The following KLHL13 variants were observed in gnomAD, a reference collection of about 807,000 sequenced individuals.
The protein encoded by KLHL13 is kelch like family member 13.
Under a neutral mutation model 37.1 loss-of-function variants are expected in KLHL13, and 10 were observed. That is an observed-to-expected ratio of 0.27 (90% confidence interval 0.17 to 0.46). The LOEUF is 0.46. Among genes scored for constraint, KLHL13 ranks in the 20% least tolerant of loss-of-function variants. The pLI, the probability that KLHL13 is intolerant of heterozygous loss-of-function variation, is 1.00. For missense variants in KLHL13, 360 were observed against 509.3 expected, an observed-to-expected ratio of 0.71 and a Z score of 2.82; for synonymous variants, 163 against 181.2, an observed-to-expected ratio of 0.90 and a Z score of 0.81.
intron 2 of KLHL13, among the ~76,000 whole-genome samples, chrX:117,920,930 T>C (rs756451032): frequency 9.0e-6 from 1 of 111,186 alleles, no homozygotes; most frequent in South Asian, 3.8e-4. Context: ...CAAATATCTT[T>C]CAAGTTTCAA....
intron 1 of KLHL13, among the ~76,000 whole-genome samples, chrX:118,113,795 T>C (rs932429521): frequency 1.8e-5 from 2 of 112,368 alleles, no homozygotes; most frequent in Non-Finnish European, 3.8e-5. Context: ...TTATTGTCTG[T>C]ATTCTCTGGT....
At chrX:117,933,699 C>G (rs770064324) in intron 2 of KLHL13, among the ~76,000 whole-genome samples, 2 of 111,020 alleles carry the variant, frequency 1.8e-5, no homozygotes, top group South Asian at 7.6e-4. Flanking sequence ...AGTAGCATCT[C>G]TTTTAATGAT....
At chrX:118,076,840 CTTTCT>C (rs963824547) in intron 1 of KLHL13, among the ~76,000 whole-genome samples, 1 of 109,076 alleles carries the variant, frequency 9.2e-6, no homozygotes, top group Admixed American at 9.9e-5. Flanking sequence ...TCTTTTTTCT[CTTTCT>C]TTTCTTTTCT....
intron 2 of KLHL13, among the ~76,000 whole-genome samples, chrX:117,930,943 A>G (rs1197559168): frequency 8.9e-6 from 1 of 112,258 alleles, no homozygotes; most frequent in Non-Finnish European, 1.9e-5. Flanking sequence ...CTAACATTAT[A>G]TTTTTAAAGT....
intron 1 of KLHL13, among the ~76,000 whole-genome samples, chrX:117,965,299 A>T (rs2053401363): frequency 8.9e-6 from 1 of 111,977 alleles, no homozygotes; most frequent in Admixed American, 9.5e-5. Context: ...GTGAGACAGT[A>T]TCTCATTGTG....
chrX:117,979,648 C>T (rs868637596), intron 1 of KLHL13, among the ~76,000 whole-genome samples: 14 of 111,327 alleles, frequency 1.3e-4, no homozygotes, highest in Non-Finnish European at 2.3e-4. Context: ...GTTAAACCTG[C>T]TATTACCAAA....
chrX:118,019,925 G>A (rs1236375124), intron 1 of KLHL13, among the ~76,000 whole-genome samples: 1 of 105,517 alleles, frequency 9.5e-6, no homozygotes, highest in East Asian at 2.9e-4. Context: ...GTCAGGTAGT[G>A]TGATGCCTCC....
intron 1 of KLHL13, among the ~76,000 whole-genome samples, chrX:117,985,011 A>G (rs1366251712): frequency 1.8e-5 from 2 of 111,017 alleles, no homozygotes; most frequent in Non-Finnish European, 3.8e-5. Context: ...AAATAAATCT[A>G]TAACACAGTC....
chrX:117,985,896 TCATCTCCCTG>T (rs1408303562), intron 1 of KLHL13, among the ~76,000 whole-genome samples: 2 of 111,155 alleles, frequency 1.8e-5, no homozygotes, highest in African/African-American at 6.5e-5. Flanking sequence ...TACATATAAC[TCATCTCCCTG>T]CATTGCCCGT....
At chrX:118,012,800 A>T (rs2054085585) in intron 1 of KLHL13, among the ~76,000 whole-genome samples, 1 of 111,498 alleles carries the variant, frequency 9.0e-6, no homozygotes, top group South Asian at 3.8e-4. Flanking sequence ...TGAATCATTA[A>T]ATTAACACCA....
chrX:117,950,221 C>A (rs1445896072), intron 1 of KLHL13, among the ~76,000 whole-genome samples: 1 of 112,681 alleles, frequency 8.9e-6, no homozygotes, highest in Non-Finnish European at 1.9e-5. Context: ...AATCCCAGCA[C>A]TTTGGGAGGC....
rs145764593 is a variant in KLHL13 at position 118,083,838 on chromosome X, C to T, written c.-56+32670G>A. Among the ~76,000 whole-genome samples, 983 of 110,926 alleles carry T rather than the reference C, an allele frequency of 8.9e-3. 11 individuals are homozygous for T. Among genetic ancestry groups the T allele is most frequent in the African/African-American group, 0.03 (924 of 30,556 alleles). On this transcript the variant is annotated intron_variant, in intron 1 of 6. Transcript: ENST00000371882. ...AACATCACATTGTACCCCATAAATA[C>T]GAACAATTATCATGTATCAATTTAA...
chrX:118,051,182 A>G (rs2054608704), intron 1 of KLHL13, among the ~76,000 whole-genome samples: 1 of 109,823 alleles, frequency 9.1e-6, no homozygotes, highest in African/African-American at 3.3e-5. Flanking sequence ...TGAGAGCAGC[A>G]AAGTTTGTAA....
intron 1 of KLHL13, among the ~76,000 whole-genome samples, chrX:117,966,130 C>T (rs1056104324): frequency 9.0e-6 from 1 of 111,686 alleles, no homozygotes; most frequent in Admixed American, 9.5e-5. Flanking sequence ...TGTTTGCAGA[C>T]AACATGATTG....
In KLHL13 at chrX:118,104,994, AG is replaced by A. The variant is rs771184657; in HGVS notation, c.-56+11513del. Among the ~76,000 whole-genome samples the A allele has an allele frequency of 8.8e-3, 997 of 112,658 alleles. 13 individuals carry two copies. The highest frequency in any genetic ancestry group is 0.03 in the African/African-American group (934 of 31,080). On this transcript the variant is annotated intron_variant, in intron 1 of 6. Transcript: ENST00000371882. Reference sequence around the variant, plus strand: ...AAAAACAGAGCTCTGATTAGCTGTCAGTAAAAAGATTGTCAATTTGTTTTAA... The same window carrying A: ...AAAAACAGAGCTCTGATTAGCTGTCATAAAAAGATTGTCAATTTGTTTTAA...
intron 1 of KLHL13, among the ~76,000 whole-genome samples, chrX:117,962,041 A>AAATAAT (rs778789872): frequency 0.015 from 1,539 of 102,308 alleles, 31 homozygotes; most frequent in African/African-American, 0.056. Flanking sequence ...TCATCTCTAC[A>AAATAAT]AATAATAATA....
intron 1 of KLHL13, among the ~76,000 whole-genome samples, chrX:118,020,617 T>C (rs2054194363): frequency 9.1e-6 from 1 of 110,229 alleles, no homozygotes; most frequent in Non-Finnish European, 1.9e-5. Flanking sequence ...AGAAATACCA[T>C]TTGACCCAGC....
chrX:118,072,171 C>A (rs1230066551), intron 1 of KLHL13, among the ~76,000 whole-genome samples: 1 of 109,743 alleles, frequency 9.1e-6, no homozygotes, highest in African/African-American at 3.3e-5. Flanking sequence ...TCAGAAATAA[C>A]GCCGCATATC....
chrX:117,982,961 G>A (rs1041326264), intron 1 of KLHL13, among the ~76,000 whole-genome samples: 4 of 112,213 alleles, frequency 3.6e-5, no homozygotes, highest in Non-Finnish European at 7.5e-5. Context: ...TCTCCAGCTG[G>A]CAGACAGGCA....
Sources: allele counts gnomAD v4.1 joint callset (sites outside exome capture counted in the v4.1 genomes callset), GRCh38; gene constraint gnomAD v4.1.1; transcripts MANE v1.5; gene names NCBI Gene and HGNC (gene_info 2026-07-23, HGNC 2026-07-21).